The following RPRD2 variants were observed in gnomAD, a reference collection of about 807,000 sequenced individuals.
RPRD2 encodes the protein regulation of nuclear pre-mRNA domain containing 2.
Under a neutral mutation model 104.4 loss-of-function variants are expected in RPRD2, and 12 were observed. That is an observed-to-expected ratio of 0.11 (90% confidence interval 0.07 to 0.19). The LOEUF is 0.19. Among genes scored for constraint, RPRD2 ranks in the 10% least tolerant of loss-of-function variants. The pLI is 1.00. For synonymous variants in RPRD2, 714 were observed against 684.9 expected, an observed-to-expected ratio of 1.04 and a Z score of -0.66; for missense variants, 1,543 against 1,790.1, an observed-to-expected ratio of 0.86 and a Z score of 2.49.
intron 2 of RPRD2, among the ~76,000 whole-genome samples, chr1:150,430,503 A>T (rs1572457870): frequency 6.6e-6 from 1 of 151,680 alleles, no homozygotes; most frequent in Admixed American, 6.6e-5. Flanking sequence ...TCATTTCTAT[A>T]AAAAAAATAC....
chr1:150,468,646 G>A (rs948947893), intron 10 of RPRD2, among the ~76,000 whole-genome samples: 18 of 152,212 alleles, frequency 1.2e-4, no homozygotes, highest in African/African-American at 4.3e-4. Flanking sequence ...GGAGGCTGAA[G>A]TGGGACAATC....
At chr1:150,388,608 G>T in intron 1 of RPRD2, among the ~76,000 whole-genome samples, 1 of 145,666 alleles carries the variant, frequency 6.9e-6, no homozygotes, top group Non-Finnish European at 1.5e-5. Flanking sequence ...AATCAATATT[G>T]ATATGTAATT....
chr1:150,418,990 C>T (rs998922956), intron 2 of RPRD2, among the ~76,000 whole-genome samples: 1 of 152,134 alleles, frequency 6.6e-6, no homozygotes, highest in Non-Finnish European at 1.5e-5. Context: ...CCAGCCTGGG[C>T]GACAGAGTGA....
chr1:150,456,952 G>A (rs1274207829), intron 7 of RPRD2, among the ~76,000 whole-genome samples: 2 of 151,542 alleles, frequency 1.3e-5, no homozygotes, highest in African/African-American at 4.9e-5. Context: ...GGCTGGGTTT[G>A]GTGGCTCATG....
At chr1:150,375,293 A>G (rs1660613521) in intron 1 of RPRD2, among the ~76,000 whole-genome samples, 2 of 152,326 alleles carry the variant, frequency 1.3e-5, no homozygotes, top group South Asian at 4.1e-4. Context: ...ACCAAATTCC[A>G]TAGTAAGCTA....
intron 1 of RPRD2, among the ~76,000 whole-genome samples, chr1:150,404,816 C>G (rs1315152672): frequency 6.6e-6 from 1 of 152,124 alleles, no homozygotes; most frequent in Non-Finnish European, 1.5e-5. Flanking sequence ...TTCAAGAGTT[C>G]CTATCCAGAA....
At chr1:150,393,084 A>G (rs1662212473) in intron 1 of RPRD2, among the ~76,000 whole-genome samples, 1 of 152,192 alleles carries the variant, frequency 6.6e-6, no homozygotes, top group African/African-American at 2.4e-5. Context: ...CTAAAATAGA[A>G]AAGTTAAAAG....
At chr1:150,432,534 C>G (rs57323357) in intron 2 of RPRD2, among the ~76,000 whole-genome samples, 18,114 of 149,152 alleles carry the variant, frequency 0.12, 1,522 homozygotes, top group African/African-American at 0.23. Flanking sequence ...AATTGCACAA[C>G]ATTGTGAATG....
intron 10 of RPRD2, among the ~76,000 whole-genome samples, chr1:150,467,018 A>G (rs1055609451): frequency 6.6e-6 from 1 of 152,182 alleles, no homozygotes; most frequent in African/African-American, 2.4e-5. Context: ...GGCCAGGAGG[A>G]TGCTCCTAAA....
intron 2 of RPRD2, among the ~76,000 whole-genome samples, chr1:150,437,565 G>C (rs587769130): frequency 2.2e-3 from 339 of 152,164 alleles, no homozygotes; most frequent in Non-Finnish European, 3.9e-3. Flanking sequence ...TAGTGTAAAT[G>C]TAACTTTTTA....
chr1:150,401,855 G>A (rs2102221651), intron 1 of RPRD2, among the ~76,000 whole-genome samples: 1 of 152,130 alleles, frequency 6.6e-6, no homozygotes, highest in South Asian at 2.1e-4. Flanking sequence ...GTATTAGCCA[G>A]GAAGGTCTTG....
intron 9 of RPRD2, among the ~76,000 whole-genome samples, chr1:150,463,227 G>T (rs1191991591): frequency 3.9e-5 from 6 of 152,156 alleles, no homozygotes; most frequent in African/African-American, 9.7e-5. Context: ...GGAGGCAAAT[G>T]CAGGAGGATC....
intron 1 of RPRD2, among the ~76,000 whole-genome samples, chr1:150,416,084 AT>A (rs1225119239): frequency 6.6e-6 from 1 of 152,152 alleles, no homozygotes; most frequent in African/African-American, 2.4e-5. Context: ...GTATGATTTA[AT>A]TTTTTGTATG....
chr1:150,401,143 C>T (rs1454898609), intron 1 of RPRD2, among the ~76,000 whole-genome samples: 1 of 151,950 alleles, frequency 6.6e-6, no homozygotes, highest in East Asian at 1.9e-4. Flanking sequence ...CGCCACTGCA[C>T]TCCAACCTGG....
chr1:150,365,682 C>T (rs1659787770), intron 1 of RPRD2, among the ~76,000 whole-genome samples: 1 of 152,080 alleles, frequency 6.6e-6, no homozygotes, highest in African/African-American at 2.4e-5. Flanking sequence ...CTCCACCTCC[C>T]GGGTTCAAGC....
rs187287557 is a variant in RPRD2, at chr1:150,395,464, G to A, written c.206-22132G>A. ...TGATGGGCATTTGGGTTGATTTCAC[G>A]TTTTTGCAATTGCAAATTGTGCTGC... On this transcript the variant is annotated intron_variant, in intron 1 of 10. Coordinates refer to ENST00000369068, the MANE Select transcript of RPRD2 (RefSeq NM_015203.5). Among the ~76,000 whole-genome samples, 4 of 147,568 alleles carry A rather than the reference G, an allele frequency of 2.7e-5. No individual in the cohort carries two copies. The East Asian group carries it at 6.0e-4, about 22-fold the overall frequency.
chr1:150,418,391 TTTTG>T (rs1171209908), intron 2 of RPRD2, among the ~76,000 whole-genome samples: 4 of 152,224 alleles, frequency 2.6e-5, no homozygotes, highest in Admixed American at 6.5e-5. Context: ...GCTGTGTCTG[TTTTG>T]TTTGTTTGTT....
intron 8 of RPRD2, among the ~76,000 whole-genome samples, chr1:150,458,565 G>A (rs191553799): frequency 3.7e-4 from 57 of 152,140 alleles, no homozygotes; most frequent in African/African-American, 1.3e-3. Flanking sequence ...TTATAACACT[G>A]AAATGAAAAT....
chr1:150,452,708 T>C (rs1572506708), intron 7 of RPRD2, among the ~76,000 whole-genome samples: 1 of 148,842 alleles, frequency 6.7e-6, no homozygotes, highest in Admixed American at 6.7e-5. Flanking sequence ...TCCACTCTTG[T>C]TGCTCAGGCT....
Sources: allele counts gnomAD v4.1 joint callset (sites outside exome capture counted in the v4.1 genomes callset), GRCh38; gene constraint gnomAD v4.1.1; transcripts MANE v1.5; gene names NCBI Gene and HGNC (gene_info 2026-07-23, HGNC 2026-07-21).